The following EFHC2 variants were observed in gnomAD, a reference collection of about 807,000 sequenced individuals.
The protein encoded by EFHC2 is EF-hand domain containing 2, also known as EF-hand domain-containing family member C2.
In EFHC2, 18 loss-of-function variants were observed where a neutral mutation model predicts 52.7. The ratio of observed to expected loss-of-function variants is 0.34; its 90% CI spans 0.24 to 0.51. EFHC2 has a LOEUF of 0.51. Among genes scored for constraint, EFHC2 ranks in the 20% least tolerant of loss-of-function variants. The pLI is 0.97. For synonymous variants in EFHC2, 203 were observed against 204.1 expected, an observed-to-expected ratio of 0.99 and a Z score of 0.04; for missense variants, 513 against 562.5, an observed-to-expected ratio of 0.91 and a Z score of 0.89.
chrX:44,218,900 C>A (rs1252548674), intron 11 of EFHC2, among the ~76,000 whole-genome samples: 2 of 111,312 alleles, frequency 1.8e-5, no homozygotes, highest in African/African-American at 3.3e-5. Flanking sequence ...AATATTCAGA[C>A]CAGGTTTATT....
intron 4 of EFHC2, among the ~76,000 whole-genome samples, chrX:44,260,438 C>T: frequency 9.0e-6 from 1 of 111,095 alleles, no homozygotes; most frequent in Non-Finnish European, 1.9e-5. Flanking sequence ...AAAATTTGGG[C>T]CCAGGGACTG....
rs193286593 is a variant in EFHC2, at chrX:44,173,549, T to C, written c.2042+2743A>G. The stretch of plus-strand genomic sequence containing the variant: ...GTGACCCAAATCATGGCAGGGCATA[T>C]TGGAGGGAGAGGGGAATGGGAATGA... On this transcript the variant is annotated intron_variant, in intron 13 of 14. Transcript: ENST00000420999. Among the ~76,000 whole-genome samples, 380 of 111,476 alleles carry C rather than the reference T, an allele frequency of 3.4e-3. 1 individual carries two copies. Among genetic ancestry groups the C allele is most frequent in the South Asian group, 0.015 (40 of 2,600 alleles).
At chrX:44,158,564 C>A (rs1406758496) in intron 14 of EFHC2, among the ~76,000 whole-genome samples, 1 of 111,026 alleles carries the variant, frequency 9.0e-6, no homozygotes, top group African/African-American at 3.3e-5. Context: ...GGGGTGCCTT[C>A]ACAACCTGAT....
At chrX:44,256,669 A>G (rs1476090279) in intron 4 of EFHC2, among the ~76,000 whole-genome samples, 2 of 111,724 alleles carry the variant, frequency 1.8e-5, no homozygotes, top group African/African-American at 6.5e-5. Context: ...AAAACAGCCC[A>G]GGACCAGATG....
At chrX:44,196,633 T>G (rs2036967879) in intron 11 of EFHC2, among the ~76,000 whole-genome samples, 1 of 111,997 alleles carries the variant, frequency 8.9e-6, no homozygotes, top group Non-Finnish European at 1.9e-5. Context: ...AGGAAAAAGA[T>G]TTTAATCACA....
At chrX:44,197,789 G>A (rs1187672135) in intron 11 of EFHC2, among the ~76,000 whole-genome samples, 1 of 112,738 alleles carries the variant, frequency 8.9e-6, no homozygotes, top group Non-Finnish European at 1.9e-5. Flanking sequence ...AGCCTGGCAG[G>A]GCCTGCCCTA....
intron 1 of EFHC2, among the ~76,000 whole-genome samples, chrX:44,313,130 A>C (rs1441637383): frequency 9.0e-6 from 1 of 111,106 alleles, no homozygotes; most frequent in African/African-American, 3.3e-5. Flanking sequence ...AGAAAGAAAA[A>C]ACTGCTCTGC....
At chrX:44,303,888 T>A in intron 2 of EFHC2, among the ~76,000 whole-genome samples, 1 of 111,923 alleles carries the variant, frequency 8.9e-6, no homozygotes, top group Non-Finnish European at 1.9e-5. Flanking sequence ...TGTATGCATA[T>A]CCCATAAGAT....
At chrX:44,170,323 A>T (rs1240678047) in intron 13 of EFHC2, among the ~76,000 whole-genome samples, 1 of 111,232 alleles carries the variant, frequency 9.0e-6, no homozygotes, top group Non-Finnish European at 1.9e-5. Context: ...TCATGCCATC[A>T]TTTGTTATTA....
At chrX:44,331,500 T>G (rs2038086369) in intron 1 of EFHC2, among the ~76,000 whole-genome samples, 1 of 111,913 alleles carries the variant, frequency 8.9e-6, no homozygotes, top group Non-Finnish European at 1.9e-5. Context: ...GCACCACATG[T>G]GTAGGTTAGA....
At chrX:44,218,554 C>T (rs1003479971) in intron 11 of EFHC2, among the ~76,000 whole-genome samples, 20 of 112,033 alleles carry the variant, frequency 1.8e-4, no homozygotes, top group African/African-American at 6.5e-4. Context: ...ACCTTGATCC[C>T]TACTTCACAC....
At chrX:44,202,305 C>T (rs1334228618) in intron 11 of EFHC2, among the ~76,000 whole-genome samples, 1 of 111,144 alleles carries the variant, frequency 9.0e-6, no homozygotes, top group African/African-American at 3.3e-5. Flanking sequence ...TCCAGCTACT[C>T]GGGAGGCTGA....
rs186892898 is a variant in EFHC2, at chrX:44,231,307, T to A, written c.1620+1174A>T. Among the ~76,000 whole-genome samples the A allele has an allele frequency of 8.5e-4, 95 of 111,777 alleles. No individual in the cohort carries two copies. The East Asian group carries it at 0.016, about 19-fold the overall frequency. On this transcript the variant is annotated intron_variant, in intron 10 of 14. Transcript: ENST00000420999. ...CTCTCCCCAAGCTGTTCCCACCCAA[T>A]GACACAGCACAGCAGGGGGACTAGA...
At chrX:44,342,669 G>A (rs1342470108) in intron 1 of EFHC2, among the ~76,000 whole-genome samples, 1 of 110,136 alleles carries the variant, frequency 9.1e-6, no homozygotes, top group Non-Finnish European at 1.9e-5. Flanking sequence ...TTGAGGTCAG[G>A]AGTCCGAGGC....
intron 11 of EFHC2, among the ~76,000 whole-genome samples, chrX:44,220,607 G>T (rs2037185960): frequency 9.0e-6 from 1 of 111,637 alleles, no homozygotes; most frequent in South Asian, 3.7e-4. Flanking sequence ...GCATTACTTA[G>T]ACAATCCTAA....
chrX:44,337,048 T>C, intron 1 of EFHC2, among the ~76,000 whole-genome samples: 1 of 112,174 alleles, frequency 8.9e-6, no homozygotes, highest in East Asian at 2.8e-4. Flanking sequence ...CAATACATTT[T>C]GATGTTGAAA....
At chrX:44,343,335 ACTCT>A (rs1446695076) in intron 1 of EFHC2, among the ~76,000 whole-genome samples, 2 of 111,964 alleles carry the variant, frequency 1.8e-5, no homozygotes, top group Admixed American at 1.9e-4. Context: ...ACCTATAAGG[ACTCT>A]CTCTATATAT....
intron 11 of EFHC2, among the ~76,000 whole-genome samples, chrX:44,196,759 C>T (rs1043884804): frequency 8.9e-6 from 1 of 112,268 alleles, no homozygotes; most frequent in African/African-American, 3.2e-5. Flanking sequence ...ATGGATGGAA[C>T]TAATGTCATG....
At chrX:44,250,825 GA>G (rs752731813) in intron 4 of EFHC2, among the ~76,000 whole-genome samples, 13,066 of 46,717 alleles carry the variant, frequency 0.28, 1,430 homozygotes, top group African/African-American at 0.49. Context: ...ACTCCATTTC[GA>G]AAAAAAAAAA....
Sources: gnomAD v4.1 joint callset for allele counts (sites outside exome capture counted in the v4.1 genomes callset) on GRCh38, gnomAD v4.1.1 for gene constraint, MANE v1.5 for transcripts, NCBI Gene and HGNC (gene_info 2026-07-23, HGNC 2026-07-21) for gene names.